Variants in G2E3 observed in about 807,000 individuals in gnomAD.
The protein encoded by G2E3 is G2/M-phase specific E3 ubiquitin protein ligase, also known as G2/M phase-specific E3 ubiquitin-protein ligase.
A neutral mutation model predicts 92.8 loss-of-function variants in G2E3; 35 were observed. The observed-to-expected ratio is 0.38, with a 90% CI of 0.29 to 0.50. G2E3 has a LOEUF of 0.50. Among genes scored for constraint, G2E3 ranks in the 20% least tolerant of loss-of-function variants. G2E3 has a pLI of 0.94. For synonymous variants in G2E3, 242 were observed against 272.4 expected, an observed-to-expected ratio of 0.89 and a Z score of 1.10; for missense variants, 554 against 823.8, an observed-to-expected ratio of 0.67 and a Z score of 4.01.
chr14:30,568,789 T>G (rs1222252067), intron 1 of G2E3, among the ~76,000 whole-genome samples: 1 of 152,230 alleles, frequency 6.6e-6, no homozygotes, highest in Non-Finnish European at 1.5e-5. Context: ...ATATTTATTT[T>G]ACGTGTTTTT....
At chr14:30,582,725 A>G (rs1457397108) in intron 2 of G2E3, among the ~76,000 whole-genome samples, 1 of 152,234 alleles carries the variant, frequency 6.6e-6, no homozygotes, top group African/African-American at 2.4e-5. Context: ...TAATGTGAAC[A>G]GTTCCCTTGT....
intron 1 of G2E3, among the ~76,000 whole-genome samples, chr14:30,580,688 C>T (rs1309403063): frequency 6.6e-6 from 1 of 152,110 alleles, no homozygotes; most frequent in East Asian, 1.9e-4. Flanking sequence ...GTAAAATGGG[C>T]TTAGGTTCTA....
At chr14:30,586,685 TA>T in intron 2 of G2E3, 32 bp from the exon 3 acceptor site, 1 of 711,972 alleles carries the variant, frequency 1.4e-6, no homozygotes, top group Non-Finnish European at 2.3e-6. Context: ...TATTTAAATA[TA>T]TTTTTATATC....
intron 10 of G2E3, chr14:30,602,686 A>T (rs1881630364): frequency 6.6e-6 from 1 of 152,194 alleles, no homozygotes; most frequent in African/African-American, 2.4e-5. Context: ...ATCATGGCTC[A>T]CTGCAGCCCC....
In G2E3 at chr14:30,586,737, A is replaced by G; in HGVS notation, c.57A>G (p.Lys19=). 1.4e-6 allele frequency: 2 copies of G among 1,386,124 alleles called. No homozygotes were observed. The highest frequency in any genetic ancestry group is 2.0e-6 in the Non-Finnish European group (2 of 1,014,118). The allele number at this position is 1,386,124 out of a possible 1,614,324, so 85.9% of individuals were successfully genotyped here. Reference sequence around the variant, plus strand: ...TGTTAGCTTGTGTTTTCTGTCGAAAACATGATGACTGTCCTAATAAATACG... The same window carrying G: ...TGTTAGCTTGTGTTTTCTGTCGAAAGCATGATGACTGTCCTAATAAATACG... The part of the protein sequence containing the change: ...SQNLACVFCR[K]HDDCPNKYGE... The change falls in exon 3 of 15, where the codon AAA becomes AAG. Residue 19 remains lysine (K), a synonymous_variant. Transcript: ENST00000206595.
chr14:30,613,354 A>G (rs1393699637), intron 13 of G2E3, among the ~76,000 whole-genome samples: 1 of 152,236 alleles, frequency 6.6e-6, no homozygotes, highest in Non-Finnish European at 1.5e-5. Context: ...AGATTTAAAT[A>G]TATTTGATGT....
At chr14:30,610,486 C>T (rs781576407) in intron 12 of G2E3, among the ~76,000 whole-genome samples, 8 of 152,040 alleles carry the variant, frequency 5.3e-5, no homozygotes, top group East Asian at 1.9e-4. Context: ...TGTGGTGGCG[C>T]GCGCCTATAG....
intron 1 of G2E3, among the ~76,000 whole-genome samples, chr14:30,564,460 G>A (rs1335739815): frequency 6.6e-6 from 1 of 152,038 alleles, no homozygotes; most frequent in Non-Finnish European, 1.5e-5. Flanking sequence ...AGCTTCCCAG[G>A]CAGCTAGGAC....
chr14:30,566,586 C>T (rs1879452258), intron 1 of G2E3, among the ~76,000 whole-genome samples: 1 of 151,988 alleles, frequency 6.6e-6, no homozygotes, highest in African/African-American at 2.4e-5. Context: ...GATCTTGCAT[C>T]CTGTAACTTA....
intron 1 of G2E3, among the ~76,000 whole-genome samples, chr14:30,563,641 CT>C: frequency 6.6e-6 from 1 of 151,132 alleles, no homozygotes; most frequent in Non-Finnish European, 1.5e-5. Context: ...CATCTGTTTC[CT>C]GGGGACTAGT....
At chr14:30,611,723 T>C (rs1275484891) in intron 12 of G2E3, 1 of 152,514 alleles carries the variant, frequency 6.6e-6, no homozygotes, top group Non-Finnish European at 1.5e-5. Flanking sequence ...ATTGGTGTGA[T>C]CATAGCTCAC....
At chr14:30,593,128 T>G in intron 5 of G2E3, among the ~76,000 whole-genome samples, 1 of 152,200 alleles carries the variant, frequency 6.6e-6, no homozygotes. Flanking sequence ...CCTGCCTCCC[T>G]TAATTTTATA....
At chr14:30,575,497 A>G (rs969979145) in intron 1 of G2E3, among the ~76,000 whole-genome samples, 1 of 152,186 alleles carries the variant, frequency 6.6e-6, no homozygotes, top group African/African-American at 2.4e-5. Context: ...CCACTTCAAC[A>G]TAGTTTTGGG....
At chr14:30,569,836 A>G (rs1203125747) in intron 1 of G2E3, among the ~76,000 whole-genome samples, 1 of 152,198 alleles carries the variant, frequency 6.6e-6, no homozygotes, top group South Asian at 2.1e-4. Context: ...CAACTTCCAG[A>G]AGAAATTCCT....
Position 30,581,096 on chromosome 14 carries a change from C to A in G2E3, c.17C>A (p.Pro6His). The change falls in exon 2 of 15, where the codon CCT (proline) becomes CAT (histidine). Residue 6 changes from proline to histidine, a missense_variant. This residue lies in a region of G2E3 where 137 missense variants were observed against 201.3 expected (regional missense o/e 0.68). Transcript: ENST00000206595. MNESKPGDSQNLACVF... is the reference protein window; with the variant it reads MNESKHGDSQNLACVF... ...CCTAGTAAAATGAATGAAAGTAAAC[C>A]TGGTGACTCACAGAACCTTGGTAAG... 1 of 1,478,130 alleles carries A rather than the reference C, an allele frequency of 6.8e-7. No individual in the cohort carries two copies. The highest frequency in any genetic ancestry group is 9.4e-7 in the Non-Finnish European group (1 of 1,058,750). 91.6% of individuals were successfully genotyped at this position (1,478,130 alleles called of 1,614,324 possible). A position where few individuals can be genotyped will look rare whatever the true frequency, so the allele number is the denominator to read the frequency against.
At chr14:30,598,670 A>G (rs1881409931) in intron 8 of G2E3, 71 bp downstream of exon 8, 2 of 967,178 alleles carry the variant, frequency 2.1e-6, no homozygotes, top group South Asian at 1.3e-5. Flanking sequence ...TAGATTTTAT[A>G]GTTAGTGAAA....
intron 1 of G2E3, among the ~76,000 whole-genome samples, chr14:30,576,300 G>C (rs779394197): frequency 1.2e-4 from 18 of 152,158 alleles, no homozygotes; most frequent in Non-Finnish European, 5.9e-5. Flanking sequence ...ATGGTGCTGG[G>C]ATATCTGGCT....
intron 6 of G2E3, among the ~76,000 whole-genome samples, chr14:30,596,792 T>A (rs906219274): frequency 6.6e-6 from 1 of 152,234 alleles, no homozygotes; most frequent in African/African-American, 2.4e-5. Flanking sequence ...GTATTTTTGG[T>A]ACATAGCATG....
At chr14:30,608,349 A>G (rs894175651) in intron 12 of G2E3, among the ~76,000 whole-genome samples, 1 of 152,218 alleles carries the variant, frequency 6.6e-6, no homozygotes, top group African/African-American at 2.4e-5. Flanking sequence ...TCAGAAATAC[A>G]TGGATTTGCC....
Sources: allele counts gnomAD v4.1 joint callset (sites outside exome capture counted in the v4.1 genomes callset), GRCh38; gene constraint gnomAD v4.1.1; regional missense constraint gnomAD v4.1.1; transcripts MANE v1.5; gene names NCBI Gene and HGNC (gene_info 2026-07-23, HGNC 2026-07-21).